LY86: variants seen among roughly 807,000 people sequenced by gnomAD.
LY86 encodes lymphocyte antigen 86.
Under a neutral mutation model 17.3 loss-of-function variants are expected in LY86, and 20 were observed. That is an observed-to-expected ratio of 1.15 (90% confidence interval 0.81 to 1.68). The LOEUF (loss-of-function observed/expected upper bound fraction) is 1.68, where lower values mean the gene tolerates loss of function less well. LY86 is among the 40% of genes most tolerant of loss of function. The pLI is 0.00. For synonymous variants in LY86, 74 were observed against 70.6 expected (o/e 1.05, Z -0.24); for missense variants, 200 against 191.9 (o/e 1.04, Z -0.25).
At chr6:6,603,792 C>T (rs79977094) in intron 1 of LY86, among the ~76,000 whole-genome samples, 2,305 of 151,856 alleles carry the variant, frequency 0.015, 53 homozygotes, top group African/African-American at 0.051. Flanking sequence ...AAGTTGATCC[C>T]TCCATGAAGC....
intron 3 of LY86, 94 bp from the exon 4 acceptor site, chr6:6,649,531 A>T: frequency 1.3e-6 from 1 of 761,118 alleles, no homozygotes; most frequent in Non-Finnish European, 2.2e-6. Flanking sequence ...TGGTGCCAAT[A>T]ATTGTCACAC....
intron 1 of LY86, among the ~76,000 whole-genome samples, chr6:6,602,265 G>C (rs1167060682): frequency 1.3e-5 from 2 of 152,302 alleles, no homozygotes; most frequent in East Asian, 1.9e-4. Flanking sequence ...AGCATACCTA[G>C]TTCATGCCAG....
intron 1 of LY86, among the ~76,000 whole-genome samples, chr6:6,598,893 G>A (rs1760811189): frequency 6.6e-6 from 1 of 152,174 alleles, no homozygotes; most frequent in African/African-American, 2.4e-5. Context: ...CATCATCCTA[G>A]AACATAGCAT....
chr6:6,654,973 C>T lies in LY86; in HGVS notation c.*346C>T. The T allele has an allele frequency of 8.2e-6, 2 of 242,678 alleles. No homozygotes were observed. Among genetic ancestry groups the T allele is most frequent in the South Asian group, 1.8e-4 (2 of 11,398 alleles). The allele number at this position is 242,678 out of a possible 1,614,324, so 15.0% of individuals were successfully genotyped here. On this transcript the variant is annotated 3_prime_UTR_variant, in exon 5 of 5. Coordinates refer to ENST00000230568, the MANE Select transcript of LY86 (RefSeq NM_004271.4). ...TCACAGTTACCAAGAATAAAGAAAG[C>T]TGGCCACCATTGTTCATTGTGGTTT...
At chr6:6,635,979 G>A (rs1761953942) in intron 3 of LY86, among the ~76,000 whole-genome samples, 1 of 152,230 alleles carries the variant, frequency 6.6e-6, no homozygotes, top group South Asian at 2.1e-4. Flanking sequence ...GGAGAGCAGA[G>A]ACCTTAGCCC....
At chr6:6,610,155 G>C (rs1444254753) in intron 1 of LY86, among the ~76,000 whole-genome samples, 1 of 152,160 alleles carries the variant, frequency 6.6e-6, no homozygotes, top group Admixed American at 6.5e-5. Context: ...ACGTGCGTGC[G>C]TGTGAAAACC....
chr6:6,634,709 A>C (rs1396425906), intron 3 of LY86, among the ~76,000 whole-genome samples: 1 of 152,224 alleles, frequency 6.6e-6, no homozygotes, highest in Admixed American at 6.5e-5. Flanking sequence ...CACTGTCTGC[A>C]TCAATTCAAA....
intron 1 of LY86, among the ~76,000 whole-genome samples, chr6:6,602,047 T>TTA (rs1760927244): frequency 6.6e-6 from 1 of 152,208 alleles, no homozygotes; most frequent in African/African-American, 2.4e-5. Context: ...AGGTCATGCC[T>TTA]TTTATGCCAC....
intron 1 of LY86, among the ~76,000 whole-genome samples, chr6:6,606,771 C>T (rs146795930): frequency 0.014 from 2,181 of 152,172 alleles, 143 homozygotes; most frequent in Admixed American, 0.1. Flanking sequence ...GGCCCGCAAG[C>T]GCCGCGCGCA....
At position 6,654,840 on chromosome 6, in the gene LY86, A is replaced by G; in HGVS notation, c.*213A>G. ...GAAGTCCCCGAATGTATCTGTTTCT[A>G]AGGAGCCTCTTGGCAGTCCTTAAGC... On this transcript the variant is annotated 3_prime_UTR_variant, in exon 5 of 5. Transcript: ENST00000230568. The G allele has an allele frequency of 1.8e-6, 1 of 553,052 alleles. No individual in the cohort carries two copies. The allele number at this position is 553,052 out of a possible 1,614,324, so 34.3% of individuals were successfully genotyped here.
intron 3 of LY86, among the ~76,000 whole-genome samples, chr6:6,629,513 CCTT>C (rs796464993): frequency 2.8e-4 from 42 of 152,360 alleles, no homozygotes; most frequent in African/African-American, 1.0e-3. Flanking sequence ...GCTTGCAGGT[CCTT>C]CTTAGCAGAG....
chr6:6,628,212 C>G (rs1006218856), intron 3 of LY86, among the ~76,000 whole-genome samples: 1 of 151,752 alleles, frequency 6.6e-6, no homozygotes, highest in Non-Finnish European at 1.5e-5. Context: ...GGGCCAACCC[C>G]GAGCTCCTCA....
At chr6:6,603,424 A>G (rs1019903206) in intron 1 of LY86, among the ~76,000 whole-genome samples, 2 of 151,900 alleles carry the variant, frequency 1.3e-5, no homozygotes, top group Non-Finnish European at 2.9e-5. Context: ...TGTCTACATA[A>G]AAAACTTCTG....
At chr6:6,606,393 A>C (rs750261139) in intron 1 of LY86, among the ~76,000 whole-genome samples, 4 of 152,186 alleles carry the variant, frequency 2.6e-5, no homozygotes, top group Non-Finnish European at 4.4e-5. Context: ...CAGACTCAGG[A>C]TCCCAGCTGG....
At chr6:6,625,243 A>G (rs1230078438) in intron 2 of LY86, among the ~76,000 whole-genome samples, 1 of 152,202 alleles carries the variant, frequency 6.6e-6, no homozygotes, top group Non-Finnish European at 1.5e-5. Context: ...GACTCTAGGC[A>G]CTCATTTGGA....
intron 3 of LY86, among the ~76,000 whole-genome samples, chr6:6,637,519 C>T (rs1003520791): frequency 6.6e-6 from 1 of 152,152 alleles, no homozygotes; most frequent in Middle Eastern, 3.2e-3. Flanking sequence ...TTTACAAATC[C>T]TTGACCGTTA....
intron 1 of LY86, among the ~76,000 whole-genome samples, chr6:6,611,031 T>C (rs1373156318): frequency 6.6e-6 from 1 of 152,242 alleles, no homozygotes; most frequent in Non-Finnish European, 1.5e-5. Flanking sequence ...TTTTCCACTG[T>C]CCTTCCAGGG....
intron 3 of LY86, among the ~76,000 whole-genome samples, chr6:6,633,145 G>C (rs1450876624): frequency 6.6e-6 from 1 of 152,146 alleles, no homozygotes; most frequent in African/African-American, 2.4e-5. Flanking sequence ...CTGAAACTCA[G>C]GTATCACCCT....
intron 3 of LY86, among the ~76,000 whole-genome samples, chr6:6,646,468 C>A (rs1381414426): frequency 6.6e-6 from 1 of 152,184 alleles, no homozygotes; most frequent in Non-Finnish European, 1.5e-5. Flanking sequence ...CTTTCACCCC[C>A]TTACTTCCAA....
Sources: allele counts gnomAD v4.1 joint callset (sites outside exome capture counted in the v4.1 genomes callset), GRCh38; gene constraint gnomAD v4.1.1; transcripts MANE v1.5; gene names NCBI Gene and HGNC (gene_info 2026-07-23, HGNC 2026-07-21).